The following OTOP3 variants were observed in gnomAD, a reference collection of about 807,000 sequenced individuals.
OTOP3 encodes the protein otopetrin 3, also known as proton channel OTOP3.
OTOP3 carries 41 observed loss-of-function variants against 50.8 expected under a neutral mutation model. The ratio of observed to expected loss-of-function variants is 0.81; its 90% confidence interval spans 0.63 to 1.05. The LOEUF is 1.05. Among genes scored for constraint, OTOP3 ranks in the 50% least tolerant of loss-of-function variants. The pLI is 0.00. For synonymous variants in OTOP3, 320 were observed against 324.4 expected (o/e 0.99, Z 0.14); for missense variants, 788 against 760.8 (o/e 1.04, Z -0.42).
intron 5 of OTOP3, among the ~76,000 whole-genome samples, chr17:74,946,266 C>A (rs779903360): frequency 1.2e-4 from 19 of 152,222 alleles, no homozygotes; most frequent in Non-Finnish European, 2.6e-4. Flanking sequence ...GCATGAACCA[C>A]CGCACCTGGC....
rs1208933869 is a variant in OTOP3 at position 74,941,593 on chromosome 17, G to A, written c.220G>A (p.Gly74Arg). The change falls in exon 2 of 7, where the codon GGG becomes AGG. Residue 74 changes from glycine to arginine, a missense_variant. By Grantham distance (125) the Gly-to-Arg change is moderately radical. Transcript: ENST00000328801. ...QAQKAGQLFSGLLALNVVFLG... is the reference protein window; with the variant it reads ...QAQKAGQLFSRLLALNVVFLG... ...CCAGAAGGCTGGACAACTCTTCTCG[G>A]GGCTCCTGGCCCTGAATGTGGTGTT... is the stretch of plus-strand genomic sequence containing the variant. The A allele has an allele frequency of 1.9e-6, 3 of 1,612,926 alleles. No homozygotes were observed. The highest frequency in any genetic ancestry group is 2.5e-6 in the Non-Finnish European group (3 of 1,179,228).
Position 74,949,777 on chromosome 17 carries a change from C to A in OTOP3, c.*361C>A, listed in dbSNP as rs935881404. ...AGTCTGGGGAGCTTGGCGAGGGGCA[C>A]CCCTCTCCAGCCAGGACTCAGAGGT... On this transcript the variant is annotated 3_prime_UTR_variant, in exon 7 of 7. Transcript: ENST00000328801. 1 of 193,416 alleles carries A rather than the reference C, an allele frequency of 5.2e-6. No individual in the cohort carries two copies. 12.0% of individuals were successfully genotyped at this position (193,416 alleles called of 1,614,324 possible). A position where few individuals can be genotyped will look rare whatever the true frequency, so the allele number is the denominator to read the frequency against.
At position 74,946,871 on chromosome 17, in the gene OTOP3, T is replaced by C. The variant is rs150408824; in HGVS notation, c.962T>C (p.Phe321Ser). 100 of 1,610,786 alleles carry C rather than the reference T, an allele frequency of 6.2e-5. No individual in the cohort carries two copies. In the Middle Eastern group the frequency reaches 8.2e-4, roughly 13 times the overall value. Residue 321 changes from phenylalanine (F) to serine (S), a missense_variant, in exon 6 of 7, where the codon TTC becomes TCC. By Grantham distance (155) the Phe-to-Ser change is radical. Transcript: ENST00000328801. Reference protein sequence around the residue: ...TAPFHLHGAIFGPLLGLLVLL... With the variant: ...TAPFHLHGAISGPLLGLLVLL... Reference sequence around the variant, plus strand: ...CCCTTCCACCTGCACGGGGCCATCTTCGGGCCGCTGCTGGGCCTGCTGGTG... The same window carrying C: ...CCCTTCCACCTGCACGGGGCCATCTCCGGGCCGCTGCTGGGCCTGCTGGTG...
intron 3 of OTOP3, among the ~76,000 whole-genome samples, chr17:74,942,657 C>T (rs986883798): frequency 5.4e-5 from 8 of 148,776 alleles, no homozygotes; most frequent in Admixed American, 1.3e-4. Flanking sequence ...ATCGGCCAGG[C>T]GCGGTGGCTC....
Position 74,949,397 on chromosome 17 carries a change from AG to A in OTOP3, c.1720del (p.Val574SerfsTer23), listed in dbSNP as rs774607683. On this transcript the variant is annotated frameshift_variant, in exon 7 of 7. Coordinates refer to ENST00000328801, the MANE Select transcript of OTOP3 (RefSeq NM_001272005.2). LOFTEE classifies it high-confidence loss of function. ...ATGCACTCTGTGGGAGGCCTGGTGGAGGTCTACCTGGGGGCCTGAGGCTGCC... is the reference window on the plus strand; with the variant it reads ...ATGCACTCTGTGGGAGGCCTGGTGGAGTCTACCTGGGGGCCTGAGGCTGCC... Reference protein sequence around the residue: ...YRMHSVGGLVEVYLGA With the variant: ...YRMHSVGGLVXVYLGA The A allele has an allele frequency of 1.2e-6, 2 of 1,612,694 alleles. No individual in the cohort carries two copies. The highest frequency in any genetic ancestry group is 1.7e-6 in the Non-Finnish European group (2 of 1,179,698).
intron 3 of OTOP3, among the ~76,000 whole-genome samples, chr17:74,942,621 ACT>A (rs1191785405): frequency 1.4e-5 from 2 of 138,922 alleles, no homozygotes; most frequent in South Asian, 2.3e-4. Flanking sequence ...ACAGAGTGAG[ACT>A]CTGTCTCAAA....
intron 1 of OTOP3, among the ~76,000 whole-genome samples, chr17:74,939,124 T>C (rs1598601812): frequency 6.6e-6 from 1 of 152,070 alleles, no homozygotes; most frequent in Non-Finnish European, 1.5e-5. Flanking sequence ...CAGTGAGCTA[T>C]GATGGTGCCA....
chr17:74,947,362 G>A lies in OTOP3; in HGVS notation c.1453G>A (p.Gly485Ser). 6.2e-7 allele frequency: 1 copy of A among 1,613,074 alleles called. No individual in the cohort carries two copies. The highest frequency in any genetic ancestry group is 8.5e-7 in the Non-Finnish European group (1 of 1,180,006). ...PPRRGSLLEL[G>S]QGLQRASLAY... ...CCGCAGAGGCTCCTTGCTGGAGCTGGGCCAGGGCCTGCAGCGGGCCTCACT... is the reference window on the plus strand; with the variant it reads ...CCGCAGAGGCTCCTTGCTGGAGCTGAGCCAGGGCCTGCAGCGGGCCTCACT... Residue 485 changes from glycine to serine, a missense_variant, in exon 6 of 7, where the codon GGC becomes AGC. Gly to Ser is a moderately conservative substitution (Grantham distance 56, BLOSUM62 0). Transcript: ENST00000328801.
rs1467486240 is a variant in OTOP3, at chr17:74,943,825, C to T, written c.751+101C>T. On this transcript the variant is annotated intron_variant, in intron 5 of 6. Coordinates refer to ENST00000328801, the MANE Select transcript of OTOP3 (RefSeq NM_001272005.2). ...GCTACACTCTCTAAAACAGGTGAGG[C>T]TCAGTAGGTCTATAGAGTTGGGAGC... 4 of 1,012,246 alleles carry T rather than the reference C, an allele frequency of 4.0e-6. No individual in the cohort carries two copies. In the African/African-American group the frequency reaches 4.8e-5, roughly 12 times the overall value. The allele number at this position is 1,012,246 out of a possible 1,614,324, so 62.7% of individuals were successfully genotyped here. A position where few individuals can be genotyped will look rare whatever the true frequency, so the allele number is the denominator to read the frequency against.
At position 74,943,515 on chromosome 17, in the gene OTOP3, T is replaced by A. The variant is rs2039197011; in HGVS notation, c.633-91T>A. On this transcript the variant is annotated intron_variant, in intron 4 of 6. Coordinates refer to ENST00000328801, the MANE Select transcript of OTOP3 (RefSeq NM_001272005.2). ...ACACTAGGGAGTGAGTGGTTGGGAG[T>A]GAGTGGTTGCCCCAACAACAGTGGA... The A allele has an allele frequency of 4.3e-6, 6 of 1,388,964 alleles. No homozygotes were observed. The East Asian group carries it at 1.4e-4, about 32-fold the overall frequency. The allele number at this position is 1,388,964 out of a possible 1,614,324, so 86.0% of individuals were successfully genotyped here.
intron 5 of OTOP3, among the ~76,000 whole-genome samples, 174 bp downstream of exon 5, chr17:74,943,898 A>G (rs1331222672): frequency 1.3e-5 from 2 of 152,114 alleles, no homozygotes; most frequent in African/African-American, 2.4e-5. Flanking sequence ...GAAGTTTGCC[A>G]GTGGTCCCCA....
At chr17:74,943,767 C>CACACACAA in intron 5 of OTOP3, 43 bp downstream of exon 5, 1 of 1,148,146 alleles carries the variant, frequency 8.7e-7, no homozygotes, top group Non-Finnish European at 1.3e-6. Flanking sequence ...GAAACACACA[C>CACACACAA]ACACACACAC....
intron 1 of OTOP3, among the ~76,000 whole-genome samples, chr17:74,940,206 T>C (rs1191528110): frequency 6.8e-6 from 1 of 147,254 alleles, no homozygotes; most frequent in African/African-American, 2.5e-5. Flanking sequence ...GGTGTCTTCC[T>C]ATGTTAGCCA....
At chr17:74,944,638 T>C (rs922896613) in intron 5 of OTOP3, among the ~76,000 whole-genome samples, 1 of 152,148 alleles carries the variant, frequency 6.6e-6, no homozygotes, top group African/African-American at 2.4e-5. Flanking sequence ...GTGCCTGTAA[T>C]CCCAGCTACT....
chr17:74,943,547 G>A, intron 4 of OTOP3, 59 bp from the exon 5 acceptor site: 1 of 1,537,268 alleles, frequency 6.5e-7, no homozygotes, highest in South Asian at 1.1e-5. Flanking sequence ...TGGATGGTGA[G>A]GGTTTGGCAC....
intron 6 of OTOP3, 98 bp from the exon 7 acceptor site, chr17:74,949,148 C>T: frequency 3.2e-6 from 4 of 1,250,848 alleles, no homozygotes; most frequent in Non-Finnish European, 4.6e-6. Context: ...GTGGGGGTGG[C>T]ACTGGAGGGG....
chr17:74,947,471 T>C lies in OTOP3; in HGVS notation c.1562T>C (p.Ile521Thr), dbSNP rs1465718687. ...TCACTCTTCCTCATCCTCTGCAATA[T>C]CACAGTAAGTGGCTGGGCTAAGGGG... ...EISLFLILCN[I>T]TLWMMPAFGI... Residue 521 changes from isoleucine (I) to threonine (T), a missense_variant, in exon 6 of 7, where the codon ATC (isoleucine) becomes ACC (threonine). Ile to Thr is a moderately conservative substitution (Grantham distance 89). Transcript: ENST00000328801. 3.1e-6 allele frequency: 5 copies of C among 1,595,384 alleles called. No homozygotes were observed. The highest frequency in any genetic ancestry group is 3.4e-6 in the Non-Finnish European group (4 of 1,169,508).
intron 1 of OTOP3, among the ~76,000 whole-genome samples, 190 bp downstream of exon 1, chr17:74,936,130 G>C (rs1191326552): frequency 6.6e-6 from 1 of 152,198 alleles, no homozygotes; most frequent in African/African-American, 2.4e-5. Flanking sequence ...CGCAACCCGC[G>C]CTCCGCGCCC....
chr17:74,938,447 C>T (rs921756237), intron 1 of OTOP3, among the ~76,000 whole-genome samples: 1 of 152,036 alleles, frequency 6.6e-6, no homozygotes, highest in Non-Finnish European at 1.5e-5. Context: ...AGAGAGGAGG[C>T]AGGGTCTCTG....
Sources: gnomAD v4.1 joint callset for allele counts (sites outside exome capture counted in the v4.1 genomes callset) on GRCh38, gnomAD v4.1.1 for gene constraint, MANE v1.5 for transcripts, NCBI Gene and HGNC (gene_info 2026-07-23, HGNC 2026-07-21) for gene names.